GPHN: variants seen among roughly 807,000 people sequenced by gnomAD.
The protein encoded by GPHN is gephyrin.
Under a neutral mutation model 95.5 loss-of-function variants are expected in GPHN, and 17 were observed. The observed-to-expected ratio is 0.18, with a 90% confidence interval of 0.12 to 0.27. GPHN has a LOEUF of 0.27. Ranked by LOEUF, GPHN falls within the 10% of genes least tolerant of loss-of-function variation. The pLI, the probability that GPHN is intolerant of heterozygous loss-of-function variation, is 1.00. For synonymous variants in GPHN, 320 were observed against 322.5 expected, an observed-to-expected ratio of 0.99 and a Z score of 0.08; for missense variants, 660 against 978.1, an observed-to-expected ratio of 0.67 and a Z score of 4.34.
At chr14:67,136,201 C>G (rs1448827018) in intron 17 of GPHN, among the ~76,000 whole-genome samples, 2 of 152,110 alleles carry the variant, frequency 1.3e-5, no homozygotes, top group Non-Finnish European at 2.9e-5. Context: ...ACTGAAAGTT[C>G]GATTCACCCT....
At chr14:67,163,598 G>C (rs1279625030) in intron 19 of GPHN, among the ~76,000 whole-genome samples, 1 of 152,100 alleles carries the variant, frequency 6.6e-6, no homozygotes, top group Non-Finnish European at 1.5e-5. Flanking sequence ...CAGCAGAGTA[G>C]TACACATTAA....
At chr14:67,478,110 A>C in the GPHN span, among the ~76,000 whole-genome samples, 1 of 152,254 alleles carries the variant, frequency 6.6e-6, no homozygotes, top group African/African-American at 2.4e-5. Flanking sequence ...ATTACAGCTC[A>C]CATGTCTGTG....
chr14:66,916,413 G>A (rs185026985), intron 6 of GPHN, among the ~76,000 whole-genome samples: 36 of 149,684 alleles, frequency 2.4e-4, no homozygotes, highest in Admixed American at 1.9e-3. Context: ...CCTGGCATTC[G>A]TGTATGATAA....
At chr14:66,707,196 T>A (rs949052044) in intron 2 of GPHN, among the ~76,000 whole-genome samples, 19 of 152,120 alleles carry the variant, frequency 1.2e-4, no homozygotes, top group Non-Finnish European at 2.6e-4. Flanking sequence ...GAAATAGGAA[T>A]GGTTTTACAC....
chr14:66,985,888 T>C (rs1034439090), intron 9 of GPHN: 43 of 554,086 alleles, frequency 7.8e-5, no homozygotes, highest in Non-Finnish European at 1.2e-4. Context: ...TTGGGTCATA[T>C]TACTTTTTTT....
chr14:67,279,290 T>C, the GPHN span: 1 of 1,613,242 alleles, frequency 6.2e-7, no homozygotes, highest in Non-Finnish European at 8.5e-7. Context: ...TTGACTGCCC[T>C]GGAGATTTGG....
chr14:67,290,760 C>T, the GPHN span, among the ~76,000 whole-genome samples: 309 of 152,120 alleles, frequency 2.0e-3, no homozygotes, highest in African/African-American at 7.0e-3. Flanking sequence ...GTCTCCACCT[C>T]CTGGACTCAA....
At chr14:67,204,795 G>A in the GPHN span, 11 of 1,613,780 alleles carry the variant, frequency 6.8e-6, no homozygotes, top group Middle Eastern at 1.6e-4. Context: ...TGGATGTGAC[G>A]GATGTCACCA....
At chr14:67,260,713 T>C in the GPHN span, among the ~76,000 whole-genome samples, 1 of 152,160 alleles carries the variant, frequency 6.6e-6, no homozygotes, top group African/African-American at 2.4e-5. Context: ...ATAAGCAGTA[T>C]GTCAAAGTTT....
At chr14:67,393,181 C>T in the GPHN span, 6 of 1,613,788 alleles carry the variant, frequency 3.7e-6, no homozygotes, top group Middle Eastern at 4.9e-4. Context: ...TGCTTCCCTG[C>T]TCCATGTTGG....
rs151147147 is a variant in GPHN, at chr14:66,669,326, T to C, written c.65-11781T>C. Among the ~76,000 whole-genome samples the C allele has an allele frequency of 3.0e-3, 448 of 149,882 alleles. 3 individuals are homozygous for C. Among genetic ancestry groups the C allele is most frequent in the African/African-American group, 0.011 (430 of 40,600 alleles). On this transcript the variant is annotated intron_variant, in intron 1 of 22. Coordinates refer to ENST00000478722, the MANE Select transcript of GPHN (RefSeq NM_020806.5). The stretch of plus-strand genomic sequence containing the variant: ...TTGTGGTGAGCCGAGATCGTGCCAT[T>C]GCACTCCAGTCTGGGCAACAAGAGT...
At chr14:67,235,155 T>C in the GPHN span, among the ~76,000 whole-genome samples, 1 of 98,252 alleles carries the variant, frequency 1.0e-5, no homozygotes, top group East Asian at 3.1e-4. Flanking sequence ...AAACTCCGTC[T>C]CAAAAAAAAA....
At chr14:66,973,234 T>C (rs2069941958) in intron 9 of GPHN, among the ~76,000 whole-genome samples, 1 of 152,168 alleles carries the variant, frequency 6.6e-6, no homozygotes, top group Non-Finnish European at 1.5e-5. Context: ...GGTTAAGCAT[T>C]ATAAATAGTT....
At chr14:67,062,347 A>G (rs899679663) in intron 11 of GPHN, among the ~76,000 whole-genome samples, 2 of 152,258 alleles carry the variant, frequency 1.3e-5, no homozygotes, top group Admixed American at 1.3e-4. Flanking sequence ...TTCACATTCT[A>G]TGAAATTACA....
At chr14:67,144,072 C>T (rs1308317874) in intron 18 of GPHN, among the ~76,000 whole-genome samples, 1 of 148,978 alleles carries the variant, frequency 6.7e-6, no homozygotes, top group Non-Finnish European at 1.5e-5. Context: ...CCCATCTCTA[C>T]AAAAAAAATC....
chr14:67,392,901 G>T, the GPHN span: 1 of 1,469,350 alleles, frequency 6.8e-7, no homozygotes, highest in South Asian at 1.3e-5. Flanking sequence ...AGCGTCCTTG[G>T]GGTGTGTGGC....
chr14:67,317,288 T>C, the GPHN span: 75,095 of 830,376 alleles, frequency 0.09, 9,381 homozygotes, highest in East Asian at 0.41. Context: ...CATATGGAGA[T>C]CTCGTTTCTG....
intron 4 of GPHN, among the ~76,000 whole-genome samples, chr14:66,865,479 C>CA (rs1472607442): frequency 4.6e-5 from 7 of 151,408 alleles, no homozygotes; most frequent in Admixed American, 1.3e-4. Context: ...TGTGTTAATA[C>CA]AAAAAAAATT....
chr14:66,618,169 C>T (rs1310079001), intron 1 of GPHN, among the ~76,000 whole-genome samples: 1 of 151,924 alleles, frequency 6.6e-6, no homozygotes, highest in African/African-American at 2.4e-5. Context: ...AGTGAATATC[C>T]TTGGTTAGTT....
Sources: gnomAD v4.1 joint callset for allele counts (sites outside exome capture counted in the v4.1 genomes callset) on GRCh38, gnomAD v4.1.1 for gene constraint, MANE v1.5 for transcripts, NCBI Gene and HGNC (gene_info 2026-07-23, HGNC 2026-07-21) for gene names.